Variants in SIX1 observed in about 807,000 individuals in gnomAD.
The protein encoded by SIX1 is homeobox protein SIX1.
Under a neutral mutation model 26.5 loss-of-function variants are expected in SIX1, and 11 were observed. The ratio of observed to expected loss-of-function variants is 0.41; its 90% CI spans 0.26 to 0.69. The LOEUF is 0.69. SIX1 is among the 30% of genes least tolerant of loss of function. The probability of loss-of-function intolerance (pLI) is 0.28; values close to 1 mark genes in which losing one functional copy is unlikely to be tolerated. For synonymous variants in SIX1, 177 were observed against 166.2 expected (o/e 1.06, Z -0.50); for missense variants, 333 against 365.9 (o/e 0.91, Z 0.73).
At position 60,648,048 on chromosome 14, in the gene SIX1, C is replaced by T. The variant is rs561784155; in HGVS notation, c.560+582G>A. 3.4e-4 allele frequency among the ~76,000 whole-genome samples: 52 copies of T among 152,318 alleles called. 1 individual carries two copies. In the South Asian group the frequency reaches 0.01, roughly 30 times the overall value. On this transcript the variant is annotated intron_variant, in intron 1 of 1. Coordinates refer to ENST00000645694, the MANE Select transcript of SIX1 (RefSeq NM_005982.4). This position sits in a 1 kb window ranked among gnomAD's most constrained non-coding sequence, Gnocchi z 7.9. ...GGGAGTAAATGCAGCGCCAACTCTC[C>T]CCAAAGCTCTCTTTTTGTTGTATCT...
Position 60,648,424 on chromosome 14 carries a change from A to G in SIX1, c.560+206T>C, listed in dbSNP as rs1014252697. On this transcript the variant is annotated intron_variant, in intron 1 of 1. Transcript: ENST00000645694. This position sits in a 1 kb window ranked among gnomAD's most constrained non-coding sequence, Gnocchi z 7.9. Reference sequence around the variant, plus strand: ...AGAGAAACCCACGCGCGGGTGCTCAAAGCAAATGAGGCCCCATCCTTAGCA... The same window carrying G: ...AGAGAAACCCACGCGCGGGTGCTCAGAGCAAATGAGGCCCCATCCTTAGCA... Among the ~76,000 whole-genome samples the G allele has an allele frequency of 4.6e-5, 7 of 152,226 alleles. No individual in the cohort carries two copies. Among genetic ancestry groups the G allele is most frequent in the African/African-American group, 1.7e-4 (7 of 41,472 alleles).
In SIX1 at chr14:60,648,083, T is replaced by G. The variant is rs1417534726; in HGVS notation, c.560+547A>C. On this transcript the variant is annotated intron_variant, in intron 1 of 1. Transcript: ENST00000645694. This position sits in a 1 kb window ranked among gnomAD's most constrained non-coding sequence, Gnocchi z 7.9. ...TCTTTTTGTTGTATCTTTAAAAGTC[T>G]CCTCCATTTGTCCAGCTAGTGAGAA... Among the ~76,000 whole-genome samples, 7 of 152,204 alleles carry G rather than the reference T, an allele frequency of 4.6e-5. No individual in the cohort carries two copies. Among genetic ancestry groups the G allele is most frequent in the African/African-American group, 1.7e-4 (7 of 41,452 alleles).
rs1895014230 is a variant in SIX1 at position 60,649,209 on chromosome 14, G to T, written c.-20C>A. On this transcript the variant is annotated 5_prime_UTR_variant, in exon 1 of 2. Coordinates refer to ENST00000645694, the MANE Select transcript of SIX1 (RefSeq NM_005982.4). This position sits in a 1 kb window ranked among gnomAD's most constrained non-coding sequence, Gnocchi z 5.1. Reference sequence around the variant, plus strand: ...CGACATGGCTGGGGCCTGCCGGGGCGCACGGCCCAGGCGCACGCGGCAGGG... The same window carrying T: ...CGACATGGCTGGGGCCTGCCGGGGCTCACGGCCCAGGCGCACGCGGCAGGG... 4 of 1,599,612 alleles carry T rather than the reference G, an allele frequency of 2.5e-6. No individual in the cohort carries two copies. Among genetic ancestry groups the T allele is most frequent in the East Asian group, 4.5e-5 (2 of 44,790 alleles).
chr14:60,643,719 T>G lies in SIX1; in HGVS notation c.*2564A>C, dbSNP rs2140237917. 1 of 152,312 alleles carries G rather than the reference T, an allele frequency of 6.6e-6. No homozygotes were observed. Among genetic ancestry groups the G allele is most frequent in the African/African-American group, 2.4e-5 (1 of 41,568 alleles). The allele number at this position is 152,312 out of a possible 1,614,324, so 9.4% of individuals were successfully genotyped here. A position where few individuals can be genotyped will look rare whatever the true frequency, so the allele number is the denominator to read the frequency against. ...AATATCCAGCTTTCTCGCCTCCTCC[T>G]GCTCGCCCCTTTTACCCAGACTGAG... On this transcript the variant is annotated 3_prime_UTR_variant, in exon 2 of 2. Coordinates refer to ENST00000645694, the MANE Select transcript of SIX1 (RefSeq NM_005982.4).
At position 60,649,142 on chromosome 14, in the gene SIX1, G is replaced by GCA; in HGVS notation, c.46_47dup (p.Val17AlafsTer73). On this transcript the variant is annotated frameshift_variant, in exon 1 of 2. Transcript: ENST00000645694. LOFTEE classifies it high-confidence loss of function. The surrounding 1 kb of genome is among the most constrained non-coding windows in gnomAD (Gnocchi z 5.1). ...CGCCTTGCTGCAGAACCTCGCACACGCACGCCACTTGCTCCTGCGTAAAGC... is the reference window on the plus strand; with the variant it reads ...CGCCTTGCTGCAGAACCTCGCACACGCACACGCCACTTGCTCCTGCGTAAAGC... The GCA allele has an allele frequency of 6.2e-7, 1 of 1,612,452 alleles. No homozygotes were observed. Among genetic ancestry groups the GCA allele is most frequent in the Non-Finnish European group, 8.5e-7 (1 of 1,179,922 alleles).
At position 60,646,328 on chromosome 14, in the gene SIX1, A is replaced by G; in HGVS notation, c.810T>C (p.Ser270=). 1.2e-6 allele frequency: 2 copies of G among 1,613,626 alleles called. No homozygotes were observed. Among genetic ancestry groups the G allele is most frequent in the Non-Finnish European group, 1.7e-6 (2 of 1,179,748 alleles). Residue 270 remains serine (S), a synonymous_variant, in exon 2 of 2, where the codon TCT becomes TCC. Transcript: ENST00000645694. ...LQTHQHQLQD[S]LLGPLTSSLV... ...GACTGGAGGTGAGGGGGCCGAGCAG[A>G]GAGTCTTGGAGCTGATGCTGGTGGG...
In SIX1 at chr14:60,645,853, T is replaced by C. The variant is rs1894929126; in HGVS notation, c.*430A>G. ...TCTCCCTTTCTCTTTCTCTTTCCAT[T>C]TCCTTTCCCTCTTCACATTTCTCCA... is the stretch of plus-strand genomic sequence containing the variant. On this transcript the variant is annotated 3_prime_UTR_variant, in exon 2 of 2. Coordinates refer to ENST00000645694, the MANE Select transcript of SIX1 (RefSeq NM_005982.4). This position sits in a 1 kb window ranked among gnomAD's most constrained non-coding sequence, Gnocchi z 4.6. The C allele has an allele frequency of 6.5e-6, 1 of 153,662 alleles. No individual in the cohort carries two copies. Among genetic ancestry groups the C allele is most frequent in the Non-Finnish European group, 1.4e-5 (1 of 69,208 alleles). The allele number at this position is 153,662 out of a possible 1,614,324, so 9.5% of individuals were successfully genotyped here. A position where few individuals can be genotyped will look rare whatever the true frequency, so the allele number is the denominator to read the frequency against.
Position 60,649,446 on chromosome 14 carries a change from C to T in SIX1, c.-257G>A, listed in dbSNP as rs1594673883. 5 of 426,326 alleles carry T rather than the reference C, an allele frequency of 1.2e-5. No individual in the cohort carries two copies. In the East Asian group the frequency reaches 1.9e-4, roughly 16 times the overall value. 26.4% of individuals were successfully genotyped at this position (426,326 alleles called of 1,614,324 possible). ...AGGCCTTGCTGCCTCCGACCTCCCG[C>T]CCGGTGGATGCTGCTAGTTGCCGGG... On this transcript the variant is annotated 5_prime_UTR_variant, in exon 1 of 2. Coordinates refer to ENST00000645694, the MANE Select transcript of SIX1 (RefSeq NM_005982.4). The surrounding 1 kb of genome is among the most constrained non-coding windows in gnomAD (Gnocchi z 5.1).
Position 60,644,444 on chromosome 14 carries a change from A to G in SIX1, c.*1839T>C, listed in dbSNP as rs1362091033. ...AACGACTTTATAAGTAAAAGTGTGT[A>G]CAGTTAAGTACAGTGACCATTTCTC... On this transcript the variant is annotated 3_prime_UTR_variant, in exon 2 of 2. Coordinates refer to ENST00000645694, the MANE Select transcript of SIX1 (RefSeq NM_005982.4). 1 of 152,218 alleles carries G rather than the reference A, an allele frequency of 6.6e-6. No individual in the cohort carries two copies. Among genetic ancestry groups the G allele is most frequent in the East Asian group, 1.9e-4 (1 of 5,198 alleles). The allele number at this position is 152,218 out of a possible 1,614,324, so 9.4% of individuals were successfully genotyped here. A position where few individuals can be genotyped will look rare whatever the true frequency, so the allele number is the denominator to read the frequency against.
intron 1 of SIX1, among the ~76,000 whole-genome samples, 199 bp from the exon 2 acceptor site, chr14:60,646,776 A>G (rs1482179273): frequency 1.3e-5 from 2 of 152,104 alleles, no homozygotes; most frequent in Non-Finnish European, 2.9e-5. Flanking sequence ...AGTCAGAGGA[A>G]CCTGGAGAAA....
Position 60,648,662 on chromosome 14 carries a change from C to T in SIX1, c.528G>A (p.Arg176=), listed in dbSNP as rs553177839. Residue 176 remains arginine, a synonymous_variant, in exon 1 of 2, where the codon AGG becomes AGA. Transcript: ENST00000645694. The surrounding 1 kb of genome is among the most constrained non-coding windows in gnomAD (Gnocchi z 7.9). ...TQVSNWFKNR[R]QRDRAAEAKE... is the part of the protein sequence containing the mutation. The stretch of plus-strand genomic sequence containing the variant: ...TGGCCTCCGCGGCCCGGTCTCTTTG[C>T]CTCCGGTTCTTAAACCAGTTGCTGA... 7.4e-6 allele frequency: 12 copies of T among 1,614,106 alleles called. No individual in the cohort carries two copies. The highest frequency in any genetic ancestry group is 1.7e-4 in the Middle Eastern group (1 of 6,060).
chr14:60,646,851 G>GTGA (rs1348230942), intron 1 of SIX1, among the ~76,000 whole-genome samples: 1 of 152,182 alleles, frequency 6.6e-6, no homozygotes, highest in Admixed American at 6.5e-5. Flanking sequence ...ATTTCAGAAA[G>GTGA]TGATAGATTA....
rs929170580 is a variant in SIX1 at position 60,649,242 on chromosome 14, C to G, written c.-53G>C. ...CAGGCGCACGCGGCAGGGAGCAGAG[C>G]CGAGAGGCAGGGGGCGGCGGCCGCA... On this transcript the variant is annotated 5_prime_UTR_variant, in exon 1 of 2. Transcript: ENST00000645694. The surrounding 1 kb of genome is among the most constrained non-coding windows in gnomAD (Gnocchi z 5.1). 1.7e-5 allele frequency: 27 copies of G among 1,553,524 alleles called. No homozygotes were observed. Among genetic ancestry groups the G allele is most frequent in the Non-Finnish European group, 2.3e-5 (26 of 1,147,478 alleles).
chr14:60,648,588 G>C lies in SIX1; in HGVS notation c.560+42C>G, dbSNP rs745636333. On this transcript the variant is annotated intron_variant, in intron 1 of 1. Transcript: ENST00000645694. The surrounding 1 kb of genome is among the most constrained non-coding windows in gnomAD (Gnocchi z 7.9). Reference sequence around the variant, plus strand: ...GGGAGGGGGCGGAGGAGAAAGGACGGCTTCCTAGGGTCGCCCGAGTCGCGG... The same window carrying C: ...GGGAGGGGGCGGAGGAGAAAGGACGCCTTCCTAGGGTCGCCCGAGTCGCGG... 2.6e-6 allele frequency: 4 copies of C among 1,563,308 alleles called. No individual in the cohort carries two copies. The highest frequency in any genetic ancestry group is 3.5e-6 in the Non-Finnish European group (4 of 1,151,526).
chr14:60,646,602 A>G (rs1894947041), intron 1 of SIX1, 25 bp from the exon 2 acceptor site: 2 of 993,242 alleles, frequency 2.0e-6, no homozygotes, highest in Admixed American at 3.0e-5. Context: ...ACAACACCAT[A>G]TGGTTAAAAA....
Position 60,648,721 on chromosome 14 carries a change from G to C in SIX1, c.469C>G (p.Leu157Val), listed in dbSNP as rs1566722096. 1 of 1,613,654 alleles carries C rather than the reference G, an allele frequency of 6.2e-7. No individual in the cohort carries two copies. The highest frequency in any genetic ancestry group is 1.1e-5 in the South Asian group (1 of 91,066). Residue 157 changes from leucine to valine, a missense_variant, in exon 1 of 2, where the codon CTG (leucine) becomes GTG (valine). Around this residue, in one of 3 missense-constraint regions of SIX1, gnomAD observed 199 missense variants for 215.2 expected, o/e 0.92. Transcript: ENST00000645694. The surrounding 1 kb of genome is among the most constrained non-coding windows in gnomAD (Gnocchi z 7.9). ...GTGGTGAGGCCGGTGGCCTCGGCCA[G>C]CTCCCGCTTCTCACGCGGCGATGGG... Reference protein sequence around the residue: ...PYPSPREKRELAEATGLTTTQ... With the variant: ...PYPSPREKREVAEATGLTTTQ...
chr14:60,649,400 C>A lies in SIX1; in HGVS notation c.-211G>T, dbSNP rs1895020949. Reference sequence around the variant, plus strand: ...GGGGAGGTTCTGGACACGGAACGGCCGGCGCACTCAGTAGCCTTTAAGGCC... The same window carrying A: ...GGGGAGGTTCTGGACACGGAACGGCAGGCGCACTCAGTAGCCTTTAAGGCC... On this transcript the variant is annotated 5_prime_UTR_variant, in exon 1 of 2. Coordinates refer to ENST00000645694, the MANE Select transcript of SIX1 (RefSeq NM_005982.4). This position sits in a 1 kb window ranked among gnomAD's most constrained non-coding sequence, Gnocchi z 5.1. The A allele has an allele frequency of 7.0e-6, 4 of 574,498 alleles. No individual in the cohort carries two copies. Among genetic ancestry groups the A allele is most frequent in the African/African-American group, 3.8e-5 (2 of 52,364 alleles). 35.6% of individuals were successfully genotyped at this position (574,498 alleles called of 1,614,324 possible). A position where few individuals can be genotyped will look rare whatever the true frequency, so the allele number is the denominator to read the frequency against.
Position 60,649,027 on chromosome 14 carries a change from C to A in SIX1, c.163G>T (p.Val55Leu). ...KNESVLKAKAVVAFHRGNFRE... is the reference protein window; with the variant it reads ...KNESVLKAKALVAFHRGNFRE... The stretch of plus-strand genomic sequence containing the variant: ...AAGTTGCCGCGGTGGAAGGCGACCA[C>A]CGCCTTGGCCTTGAGTACGCTCTCG... The change falls in exon 1 of 2, where the codon GTG becomes TTG. Residue 55 changes from valine to leucine, a missense_variant. Physicochemically the swap from Val to Leu is conservative, Grantham distance 32. Coordinates refer to ENST00000645694, the MANE Select transcript of SIX1 (RefSeq NM_005982.4). The surrounding 1 kb of genome is among the most constrained non-coding windows in gnomAD (Gnocchi z 5.1). 2 of 1,614,000 alleles carry A rather than the reference C, an allele frequency of 1.2e-6. No homozygotes were observed. The highest frequency in any genetic ancestry group is 1.7e-6 in the Non-Finnish European group (2 of 1,180,010).
At position 60,649,088 on chromosome 14, in the gene SIX1, C is replaced by T. The variant is rs1895010575; in HGVS notation, c.102G>A (p.Leu34=). 6.2e-7 allele frequency: 1 copy of T among 1,613,404 alleles called. No homozygotes were observed. The highest frequency in any genetic ancestry group is 8.5e-7 in the Non-Finnish European group (1 of 1,179,758). ...GGTGGTCGCAGGCGGGCAGTGACCACAGGAACCTGCCCAGGCGCTCCAGGT... is the reference window on the plus strand; with the variant it reads ...GGTGGTCGCAGGCGGGCAGTGACCATAGGAACCTGCCCAGGCGCTCCAGGT... ...GGNLERLGRF[L]WSLPACDHLH... Residue 34 remains leucine (L), a synonymous_variant, in exon 1 of 2, where the codon CTG becomes CTA. Transcript: ENST00000645694. The surrounding 1 kb of genome is among the most constrained non-coding windows in gnomAD (Gnocchi z 5.1).
Sources: gnomAD v4.1 joint callset for allele counts (sites outside exome capture counted in the v4.1 genomes callset) on GRCh38, gnomAD v4.1.1 for gene constraint, gnomAD v4.1.1 regional missense constraint, Gnocchi (gnomAD v3.1) non-coding constraint, MANE v1.5 for transcripts, NCBI Gene and HGNC (gene_info 2026-07-23, HGNC 2026-07-21) for gene names.